Variants in WWOX observed in about 807,000 individuals in gnomAD.
WWOX encodes the protein WW domain-containing oxidoreductase.
Under a neutral mutation model 46.2 loss-of-function variants are expected in WWOX, and 69 were observed. That is an observed-to-expected ratio of 1.49 (90% CI 1.23 to 1.82). The LOEUF is 1.82. Ranked by LOEUF, WWOX falls within the 40% of genes most tolerant of loss-of-function variation. The pLI, the probability that WWOX is intolerant of heterozygous loss-of-function variation, is 0.00. For missense variants in WWOX, 919 were observed against 542.6 expected, an observed-to-expected ratio of 1.69 and a Z score of -6.89; for synonymous variants, 359 against 202.6, an observed-to-expected ratio of 1.77 and a Z score of -6.56.
intron 8 of WWOX, among the ~76,000 whole-genome samples, chr16:79,036,175 G>T (rs1252770013): frequency 6.6e-6 from 1 of 152,044 alleles, no homozygotes; most frequent in Non-Finnish European, 1.5e-5. Flanking sequence ...CTTGGGTCAG[G>T]TTTCACCCTC....
At chr16:78,873,508 A>C (rs1259248700) in intron 8 of WWOX, 1 of 152,224 alleles carries the variant, frequency 6.6e-6, no homozygotes, top group African/African-American at 2.4e-5. Context: ...TTGGAGGGCC[A>C]GGCACAGTGG....
At chr16:78,839,231 C>T (rs139277210) in intron 8 of WWOX, among the ~76,000 whole-genome samples, 1 of 152,110 alleles carries the variant, frequency 6.6e-6, no homozygotes, top group African/African-American at 2.4e-5. Flanking sequence ...GAGAGAGTCA[C>T]CTGCTCTATT....
chr16:79,091,000 C>G (rs542063811), intron 8 of WWOX, among the ~76,000 whole-genome samples: 1 of 152,072 alleles, frequency 6.6e-6, no homozygotes, highest in African/African-American at 2.4e-5. Flanking sequence ...GTTGGCCAGC[C>G]TGGTCTCAAC....
chr16:78,676,403 ATT>A (rs4035810), intron 8 of WWOX, among the ~76,000 whole-genome samples: 13,828 of 140,040 alleles, frequency 0.099, 2,126 homozygotes, highest in African/African-American at 0.33. Flanking sequence ...CATATTTACT[ATT>A]TTTTTTTTTT....
intron 8 of WWOX, among the ~76,000 whole-genome samples, chr16:78,999,307 C>G (rs1318977230): frequency 6.6e-6 from 1 of 152,078 alleles, no homozygotes; most frequent in African/African-American, 2.4e-5. Context: ...CCCGTCTCTA[C>G]TAAAAATACA....
intron 5 of WWOX, among the ~76,000 whole-genome samples, chr16:78,300,609 A>C (rs1442997210): frequency 6.6e-6 from 1 of 151,886 alleles, no homozygotes; most frequent in Non-Finnish European, 1.5e-5. Context: ...TTTTTCATGC[A>C]ATGGCATTAC....
intron 8 of WWOX, among the ~76,000 whole-genome samples, chr16:78,979,142 C>T (rs1428841966): frequency 1.4e-5 from 2 of 147,848 alleles, no homozygotes; most frequent in Admixed American, 1.4e-4. Flanking sequence ...TCTCGAATAT[C>T]ACTTGGGTCT....
At chr16:78,373,577 A>G (rs2081746700) in intron 5 of WWOX, among the ~76,000 whole-genome samples, 1 of 151,902 alleles carries the variant, frequency 6.6e-6, no homozygotes, top group Non-Finnish European at 1.5e-5. Flanking sequence ...GAGGAGAAGT[A>G]TTCTGAGGGA....
At chr16:78,305,224 C>A (rs2080111270) in intron 5 of WWOX, among the ~76,000 whole-genome samples, 1 of 152,066 alleles carries the variant, frequency 6.6e-6, no homozygotes, top group African/African-American at 2.4e-5. Context: ...CCTTTCCTTC[C>A]CCTTTCTGGG....
intron 8 of WWOX, among the ~76,000 whole-genome samples, chr16:78,986,639 T>C (rs1448107007): frequency 6.6e-6 from 1 of 152,194 alleles, no homozygotes; most frequent in Non-Finnish European, 1.5e-5. Flanking sequence ...CAGTACTCTG[T>C]TTTTCTCCCA....
chr16:78,477,247 T>A (rs1008670551), intron 8 of WWOX, among the ~76,000 whole-genome samples: 1 of 152,210 alleles, frequency 6.6e-6, no homozygotes, highest in African/African-American at 2.4e-5. Flanking sequence ...GGGATGATCT[T>A]CTAGTCTAGA....
intron 5 of WWOX, among the ~76,000 whole-genome samples, chr16:78,382,645 G>C (rs979547578): frequency 6.6e-6 from 1 of 152,094 alleles, no homozygotes; most frequent in Non-Finnish European, 1.5e-5. Flanking sequence ...GACTGAACGA[G>C]GCCTGAACTT....
intron 5 of WWOX, among the ~76,000 whole-genome samples, chr16:78,194,099 C>T (rs532711468): frequency 1.1e-4 from 16 of 151,502 alleles, no homozygotes; most frequent in African/African-American, 3.4e-4. Context: ...GGGATGGTCT[C>T]GATCTCCTGA....
At chr16:78,868,247 A>C (rs749832580) in intron 8 of WWOX, among the ~76,000 whole-genome samples, 4 of 152,190 alleles carry the variant, frequency 2.6e-5, no homozygotes, top group Non-Finnish European at 5.9e-5. Context: ...AACTTCAAAA[A>C]CATTACGCTA....
rs575727856 is a variant in WWOX, at chr16:78,415,819, G to A, written c.606-9051G>A. Among the ~76,000 whole-genome samples the A allele has an allele frequency of 1.2e-3, 182 of 151,916 alleles. 1 individual carries two copies. The highest frequency in any genetic ancestry group is 2.1e-3 in the Non-Finnish European group (144 of 67,958). On this transcript the variant is annotated intron_variant, in intron 6 of 8. Transcript: ENST00000566780. Reference sequence around the variant, plus strand: ...GTCACTCTCATTGATGACAACCCCCGCCCCCACCACTACCACCTTAACTAC... The same window carrying A: ...GTCACTCTCATTGATGACAACCCCCACCCCCACCACTACCACCTTAACTAC...
chr16:78,170,985 T>C (rs911776425), intron 5 of WWOX, among the ~76,000 whole-genome samples: 2 of 152,240 alleles, frequency 1.3e-5, no homozygotes, highest in African/African-American at 4.8e-5. Flanking sequence ...ATATCGGGTC[T>C]ATTTATTTTG....
At chr16:78,518,060 G>C (rs1349987181) in intron 8 of WWOX, among the ~76,000 whole-genome samples, 1 of 151,848 alleles carries the variant, frequency 6.6e-6, no homozygotes, top group African/African-American at 2.4e-5. Flanking sequence ...TAGATGCTTG[G>C]AGCTTCAGTT....
chr16:78,972,092 A>G (rs1253229713), intron 8 of WWOX, among the ~76,000 whole-genome samples: 1 of 152,052 alleles, frequency 6.6e-6, no homozygotes, highest in Non-Finnish European at 1.5e-5. Flanking sequence ...AGCAGCCCAG[A>G]CCTCTCAGGA....
intron 5 of WWOX, among the ~76,000 whole-genome samples, chr16:78,204,949 GT>G (rs1219715990): frequency 3.3e-5 from 5 of 152,326 alleles, no homozygotes; most frequent in Admixed American, 3.3e-4. Flanking sequence ...CCTTGTGGAT[GT>G]TGAAAAGAAC....
Sources: gnomAD v4.1 joint callset for allele counts (sites outside exome capture counted in the v4.1 genomes callset) on GRCh38, gnomAD v4.1.1 for gene constraint, MANE v1.5 for transcripts, NCBI Gene and HGNC (gene_info 2026-07-23, HGNC 2026-07-21) for gene names.